The following KCNT2 variants were observed in gnomAD, a reference collection of about 807,000 sequenced individuals.
KCNT2 encodes potassium sodium-activated channel subfamily T member 2, also known as potassium channel subfamily T member 2.
A neutral mutation model predicts 153.8 loss-of-function variants in KCNT2; 67 were observed. The observed-to-expected ratio is 0.44, with a 90% confidence interval of 0.36 to 0.53. The LOEUF (loss-of-function observed/expected upper bound fraction) is 0.53. KCNT2 is among the 20% of genes least tolerant of loss of function. The pLI, the probability that KCNT2 is intolerant of heterozygous loss-of-function variation, is 0.00. For synonymous variants in KCNT2, 500 were observed against 458.8 expected, an observed-to-expected ratio of 1.09 and a Z score of -1.15; for missense variants, 975 against 1,354.8, an observed-to-expected ratio of 0.72 and a Z score of 4.40.
chr1:196,492,847 G>A (rs1400238921), intron 1 of KCNT2, among the ~76,000 whole-genome samples: 1 of 152,054 alleles, frequency 6.6e-6, no homozygotes, highest in Non-Finnish European at 1.5e-5. Context: ...TACACCTATA[G>A]CCTATTTAGG....
At chr1:196,316,135 G>A (rs1662693558) in intron 20 of KCNT2, 109 bp from the exon 21 acceptor site, 1 of 917,674 alleles carries the variant, frequency 1.1e-6, no homozygotes, top group Admixed American at 3.0e-5. Context: ...GCCTTTAGAG[G>A]TGGCTTTTAC....
intron 12 of KCNT2, among the ~76,000 whole-genome samples, chr1:196,414,150 T>A (rs1190404121): frequency 6.6e-6 from 1 of 151,648 alleles, no homozygotes; most frequent in Admixed American, 6.6e-5. Context: ...CACTTCAAAG[T>A]TATGCCTAAT....
intron 8 of KCNT2, among the ~76,000 whole-genome samples, 184 bp downstream of exon 8, chr1:196,465,109 T>C (rs1239108189): frequency 6.6e-6 from 1 of 152,032 alleles, no homozygotes; most frequent in Admixed American, 6.6e-5. Context: ...ATGTGCTTTA[T>C]TATTTTTTAA....
At chr1:196,511,116 A>AACAC (rs35177032) in intron 1 of KCNT2, among the ~76,000 whole-genome samples, 7,999 of 146,438 alleles carry the variant, frequency 0.055, 236 homozygotes, top group Non-Finnish European at 0.064. Flanking sequence ...AAACACACAC[A>AACAC]ACACACACAC....
rs1431343823 is a variant in KCNT2, at chr1:196,342,219, C to T, written c.1413G>A (p.Gln471=). The T allele has an allele frequency of 7.4e-6, 12 of 1,611,036 alleles. No homozygotes were observed. The highest frequency in any genetic ancestry group is 5.5e-5 in the South Asian group (5 of 90,506). Residue 471 remains glutamine (Q), a synonymous_variant, in exon 15 of 28, where the codon CAG becomes CAA. Coordinates refer to ENST00000294725, the MANE Select transcript of KCNT2 (RefSeq NM_198503.5). The stretch of plus-strand genomic sequence containing the variant: ...TCTTCTGCCATTGTTCTGGCGATTG[C>T]TGGCCTTCTCTGCAACACAGGCACA... ...LVHTSRGQEG[Q]QSPEQWQKMY... is the part of the protein sequence containing the mutation.
At chr1:196,275,688 C>T (rs1308637839) in intron 25 of KCNT2, among the ~76,000 whole-genome samples, 1 of 151,888 alleles carries the variant, frequency 6.6e-6, no homozygotes. Flanking sequence ...AAACCTGCAT[C>T]TGCCTTTAAA....
chr1:196,606,527 T>A (rs1665341160), intron 1 of KCNT2, among the ~76,000 whole-genome samples: 1 of 152,192 alleles, frequency 6.6e-6, no homozygotes, highest in Non-Finnish European at 1.5e-5. Context: ...TCTGCAAAAC[T>A]TTTTTAATAT....
chr1:196,299,320 T>C (rs750758573), intron 22 of KCNT2, among the ~76,000 whole-genome samples: 13 of 151,474 alleles, frequency 8.6e-5, no homozygotes, highest in Non-Finnish European at 1.5e-4. Flanking sequence ...CTGACAAAAC[T>C]GTAGTGGTGA....
intron 14 of KCNT2, among the ~76,000 whole-genome samples, chr1:196,367,256 C>T (rs1668120119): frequency 1.3e-5 from 2 of 151,878 alleles, no homozygotes; most frequent in African/African-American, 4.8e-5. Flanking sequence ...GTAACTATAC[C>T]ATAGGTATAC....
chr1:196,429,457 T>C, intron 9 of KCNT2, 120 bp downstream of exon 9: 2 of 529,812 alleles, frequency 3.8e-6, no homozygotes, highest in South Asian at 8.3e-5. Context: ...AATGTAATGA[T>C]AGTATGTGTT....
At chr1:196,392,013 A>G (rs1028639224) in intron 13 of KCNT2, among the ~76,000 whole-genome samples, 2 of 151,424 alleles carry the variant, frequency 1.3e-5, no homozygotes, top group Admixed American at 1.3e-4. Flanking sequence ...ATTATTATTG[A>G]CCATTTTAGG....
chr1:196,317,150 T>A (rs1442160227), intron 20 of KCNT2: 1 of 295,864 alleles, frequency 3.4e-6, no homozygotes, highest in South Asian at 2.7e-5. Context: ...TTTCTTACTC[T>A]GTTATTAGGC....
In KCNT2 at chr1:196,608,223, G is replaced by C. The variant is rs758363314; in HGVS notation, c.87C>G (p.Asn29Lys). 5 of 1,613,848 alleles carry C rather than the reference G, an allele frequency of 3.1e-6. No individual in the cohort carries two copies. Reference sequence around the variant, plus strand: ...TCCACCACACCACTCACCTGTCGTCGTTTTGCCATCCTTGGTCCCCTAGCA... The same window carrying C: ...TCCACCACACCACTCACCTGTCGTCCTTTTGCCATCCTTGGTCCCCTAGCA... Reference protein sequence around the residue: ...DLLLGDQGWQNDDRVQVEFYM... With the variant: ...DLLLGDQGWQKDDRVQVEFYM... The change falls in exon 1 of 28, where the codon AAC becomes AAG. Residue 29 changes from asparagine (N) to lysine (K), a missense_variant. Physicochemically the swap from Asn to Lys is moderately conservative, Grantham distance 94 (BLOSUM62 0). Coordinates refer to ENST00000294725, the MANE Select transcript of KCNT2 (RefSeq NM_198503.5).
At chr1:196,298,199 A>C (rs1029275011) in intron 22 of KCNT2, among the ~76,000 whole-genome samples, 2 of 152,140 alleles carry the variant, frequency 1.3e-5, no homozygotes, top group Non-Finnish European at 2.9e-5. Context: ...TCCTACAATT[A>C]AGTGCAATTG....
intron 8 of KCNT2, among the ~76,000 whole-genome samples, chr1:196,430,396 C>CTCTCTCTCTCTCTT (rs1674043487): frequency 6.7e-6 from 1 of 148,210 alleles, no homozygotes; most frequent in African/African-American, 2.6e-5. Flanking sequence ...CTCTCTCTCT[C>CTCTCTCTCTCTCTT]TCTCTCTCTC....
At chr1:196,408,600 T>C (rs867118489) in intron 12 of KCNT2, among the ~76,000 whole-genome samples, 1 of 151,686 alleles carries the variant, frequency 6.6e-6, no homozygotes, top group Admixed American at 6.6e-5. Context: ...ATTTAATGCG[T>C]TGCATTTTCA....
At chr1:196,354,734 C>CA (rs916564702) in intron 14 of KCNT2, among the ~76,000 whole-genome samples, 1 of 151,342 alleles carries the variant, frequency 6.6e-6, no homozygotes, top group African/African-American at 2.4e-5. Context: ...AATAAGTCAC[C>CA]AAAGGGTTTA....
chr1:196,587,750 T>G (rs1002182498), intron 1 of KCNT2, among the ~76,000 whole-genome samples: 6 of 152,050 alleles, frequency 3.9e-5, no homozygotes, highest in African/African-American at 1.4e-4. Context: ...ATAGAGTATG[T>G]AACCCAAACT....
chr1:196,300,963 C>A (rs766484703), intron 22 of KCNT2, among the ~76,000 whole-genome samples: 21 of 152,142 alleles, frequency 1.4e-4, no homozygotes, highest in Non-Finnish European at 2.1e-4. Context: ...AGTCCTCTCT[C>A]TCCCAAAGCA....
Sources: gnomAD v4.1 joint callset for allele counts (sites outside exome capture counted in the v4.1 genomes callset) on GRCh38, gnomAD v4.1.1 for gene constraint, MANE v1.5 for transcripts, NCBI Gene and HGNC (gene_info 2026-07-23, HGNC 2026-07-21) for gene names.